ARHGAP44: variants seen among roughly 807,000 people sequenced by gnomAD.
ARHGAP44 encodes the protein Rho GTPase activating protein 44, also known as rho GTPase-activating protein 44.
Under a neutral mutation model 106.8 loss-of-function variants are expected in ARHGAP44, and 43 were observed. The ratio of observed to expected loss-of-function variants is 0.40; its 90% CI spans 0.32 to 0.52. The LOEUF (loss-of-function observed/expected upper bound fraction) is 0.52. Ranked by LOEUF, ARHGAP44 falls within the 20% of genes least tolerant of loss-of-function variation. The pLI, the probability that ARHGAP44 is intolerant of heterozygous loss-of-function variation, is 0.48. For missense variants in ARHGAP44, 866 were observed against 1,050.5 expected, an observed-to-expected ratio of 0.82 and a Z score of 2.43; for synonymous variants, 439 against 410.3, an observed-to-expected ratio of 1.07 and a Z score of -0.85.
chr17:12,802,944 TATATATATATATATA>T (rs1289276530), intron 1 of ARHGAP44, among the ~76,000 whole-genome samples: 38 of 16,398 alleles, frequency 2.3e-3, no homozygotes, highest in Non-Finnish European at 3.4e-3. Context: ...TATATATATA[TATATATATATATATA>T]TATATATATA....
intron 20 of ARHGAP44, chr17:12,988,220 A>G (rs904621093): frequency 1.3e-5 from 2 of 152,270 alleles, no homozygotes; most frequent in African/African-American, 4.8e-5. Context: ...GACAGCTCAC[A>G]CAAGTGCTTG....
chr17:12,954,155 C>T (rs866843810), intron 13 of ARHGAP44, among the ~76,000 whole-genome samples: 37 of 151,874 alleles, frequency 2.4e-4, no homozygotes, highest in African/African-American at 9.0e-4. Flanking sequence ...GCCTCGGCCT[C>T]CCAAAGCCCT....
At chr17:12,805,509 G>A (rs774832705) in intron 1 of ARHGAP44, among the ~76,000 whole-genome samples, 3 of 152,012 alleles carry the variant, frequency 2.0e-5, no homozygotes, top group African/African-American at 2.4e-5. Flanking sequence ...AGATTTTTCT[G>A]TACTAACAAG....
chr17:12,922,012 G>C (rs546613045), intron 6 of ARHGAP44, among the ~76,000 whole-genome samples: 1 of 152,200 alleles, frequency 6.6e-6, no homozygotes, highest in Non-Finnish European at 1.5e-5. Flanking sequence ...AATGATTTTT[G>C]CCATCTGTGT....
Position 12,876,925 on chromosome 17 carries a change from A to AAAAG in ARHGAP44, c.54-18012_54-18009dup, listed in dbSNP as rs2036573934. ...ACTCCGTCTCAAAAAAAAAAAAAAA[A>AAAAG]AAAGAAGAAAAGATATTTTGATAGT... On this transcript the variant is annotated intron_variant, in intron 1 of 20. Transcript: ENST00000379672. Among the ~76,000 whole-genome samples, 3 of 151,804 alleles carry AAAAG rather than the reference A, an allele frequency of 2.0e-5. No individual in the cohort carries two copies. The South Asian group carries it at 6.3e-4, about 32-fold the overall frequency.
At chr17:12,803,788 C>CT (rs1215417562) in intron 1 of ARHGAP44, among the ~76,000 whole-genome samples, 1 of 152,092 alleles carries the variant, frequency 6.6e-6, no homozygotes, top group Non-Finnish European at 1.5e-5. Context: ...TGTAATTTTC[C>CT]TTTTTTTCAA....
chr17:12,807,114 A>G (rs1038272624), intron 1 of ARHGAP44, among the ~76,000 whole-genome samples: 1 of 152,160 alleles, frequency 6.6e-6, no homozygotes, highest in Non-Finnish European at 1.5e-5. Flanking sequence ...CACAGGAACC[A>G]TGTCGTCTCA....
rs2034251385 is a variant in ARHGAP44, at chr17:12,805,603, T to C, written c.53+15712T>C. Among the ~76,000 whole-genome samples the C allele has an allele frequency of 3.3e-5, 5 of 152,332 alleles. 1 individual carries two copies. In the South Asian group the frequency reaches 1.0e-3, roughly 32 times the overall value. ...AGCATTCTCAAGCCATACCTATGAA[T>C]TGCATAGTCATATATGCTAAGAGGA... On this transcript the variant is annotated intron_variant, in intron 1 of 20. Transcript: ENST00000379672.
chr17:12,957,971 T>C (rs2039169995), intron 15 of ARHGAP44, among the ~76,000 whole-genome samples: 1 of 152,214 alleles, frequency 6.6e-6, no homozygotes, highest in Admixed American at 6.5e-5. Context: ...AAGGTCGAAC[T>C]GCTGACTCCC....
At chr17:12,943,307 G>A (rs1184956340) in intron 8 of ARHGAP44, among the ~76,000 whole-genome samples, 2 of 152,206 alleles carry the variant, frequency 1.3e-5, no homozygotes, top group Admixed American at 6.5e-5. Flanking sequence ...GAGGAAGAAG[G>A]GTGGTGATAA....
At chr17:12,935,934 C>T (rs1598082808) in intron 7 of ARHGAP44, among the ~76,000 whole-genome samples, 1 of 152,158 alleles carries the variant, frequency 6.6e-6, no homozygotes, top group Non-Finnish European at 1.5e-5. Flanking sequence ...AATTGACTTG[C>T]GTCAAAGATC....
At chr17:12,798,998 A>C (rs1384441629) in intron 1 of ARHGAP44, among the ~76,000 whole-genome samples, 1 of 152,130 alleles carries the variant, frequency 6.6e-6, no homozygotes, top group Non-Finnish European at 1.5e-5. Context: ...TGAGTATATC[A>C]TTGTATTTCT....
At chr17:12,959,839 CAACAGGA>C (rs1462132559) in intron 16 of ARHGAP44, among the ~76,000 whole-genome samples, 1 of 152,236 alleles carries the variant, frequency 6.6e-6, no homozygotes, top group Admixed American at 6.5e-5. Flanking sequence ...GAAATGCAGA[CAACAGGA>C]AGTAACCTAG....
intron 1 of ARHGAP44, among the ~76,000 whole-genome samples, chr17:12,868,277 A>G (rs2036292906): frequency 6.6e-6 from 1 of 152,044 alleles, no homozygotes; most frequent in Non-Finnish European, 1.5e-5. Flanking sequence ...TAGGGACACC[A>G]GTCATACTGG....
At chr17:12,944,912 C>CT (rs2038811275) in intron 10 of ARHGAP44, among the ~76,000 whole-genome samples, 1 of 151,948 alleles carries the variant, frequency 6.6e-6, no homozygotes, top group Non-Finnish European at 1.5e-5. Flanking sequence ...GGCTCTTAAA[C>CT]TTTTTTATCA....
At chr17:12,937,348 C>T (rs1415903922) in intron 7 of ARHGAP44, among the ~76,000 whole-genome samples, 7 of 152,170 alleles carry the variant, frequency 4.6e-5, no homozygotes, top group Admixed American at 2.6e-4. Flanking sequence ...GAGGATTTTT[C>T]TCTGAAATTT....
intron 1 of ARHGAP44, among the ~76,000 whole-genome samples, chr17:12,833,970 A>G (rs554751468): frequency 6.8e-6 from 1 of 147,654 alleles, no homozygotes; most frequent in African/African-American, 2.5e-5. Context: ...TTTTTTTTTC[A>G]GACTTAAAGA....
intron 6 of ARHGAP44, among the ~76,000 whole-genome samples, chr17:12,922,192 G>A (rs1339500149): frequency 2.0e-5 from 3 of 152,174 alleles, no homozygotes; most frequent in Admixed American, 6.5e-5. Context: ...TTTAGAGCCT[G>A]TTGACTGTGG....
In ARHGAP44 at chr17:12,789,697, C is replaced by T; in HGVS notation, c.-142C>T. The T allele has an allele frequency of 1.7e-6, 1 of 602,860 alleles. No homozygotes were observed. The highest frequency in any genetic ancestry group is 6.5e-5 in the South Asian group (1 of 15,348). 37.3% of individuals were successfully genotyped at this position (602,860 alleles called of 1,614,324 possible). On this transcript the variant is annotated 5_prime_UTR_variant, in exon 1 of 21. Transcript: ENST00000379672. ...GGCGCCCTCGGGAGGGAGCTGCGCG[C>T]GGGCCAGACGGCGCCCGGAGGCTCC...
Sources: allele counts gnomAD v4.1 joint callset (sites outside exome capture counted in the v4.1 genomes callset), GRCh38; gene constraint gnomAD v4.1.1; transcripts MANE v1.5; gene names NCBI Gene and HGNC (gene_info 2026-07-23, HGNC 2026-07-21).